NRXN3: variants seen among roughly 807,000 people sequenced by gnomAD.
The protein encoded by NRXN3 is neurexin 3.
Under a neutral mutation model 137.6 loss-of-function variants are expected in NRXN3, and 32 were observed. The ratio of observed to expected loss-of-function variants is 0.23; its 90% CI spans 0.18 to 0.31. The LOEUF (loss-of-function observed/expected upper bound fraction) is 0.31. NRXN3 is among the 10% of genes least tolerant of loss of function. The pLI, the probability that NRXN3 is intolerant of heterozygous loss-of-function variation, is 1.00. For missense variants in NRXN3, 1,574 were observed against 2,062.5 expected, an observed-to-expected ratio of 0.76 and a Z score of 4.59; for synonymous variants, 798 against 784.5, an observed-to-expected ratio of 1.02 and a Z score of -0.29.
intron 15 of NRXN3, among the ~76,000 whole-genome samples, chr14:79,080,932 G>A (rs1003407777): frequency 1.9e-4 from 29 of 151,990 alleles, no homozygotes; most frequent in Non-Finnish European, 1.9e-4. Flanking sequence ...TATATAATCC[G>A]GTGGTTTATC....
chr14:78,526,510 C>T (rs2096382051), intron 4 of NRXN3, among the ~76,000 whole-genome samples: 1 of 152,236 alleles, frequency 6.6e-6, no homozygotes, highest in Non-Finnish European at 1.5e-5. Context: ...TAACTTTGAG[C>T]TTTCCTCTAC....
At chr14:78,586,795 T>C (rs2097067971) in intron 4 of NRXN3, among the ~76,000 whole-genome samples, 1 of 152,330 alleles carries the variant, frequency 6.6e-6, no homozygotes, top group Non-Finnish European at 1.5e-5. Context: ...AAACAGTCTT[T>C]ATGGAAAGCT....
At chr14:79,605,167 T>C (rs2097989596) in intron 16 of NRXN3, among the ~76,000 whole-genome samples, 1 of 152,124 alleles carries the variant, frequency 6.6e-6, no homozygotes, top group Non-Finnish European at 1.5e-5. Context: ...TAATAAGCCA[T>C]GTTAGCAGGA....
At chr14:79,303,217 A>G (rs1043899932) in intron 15 of NRXN3, among the ~76,000 whole-genome samples, 1 of 152,022 alleles carries the variant, frequency 6.6e-6, no homozygotes, top group Non-Finnish European at 1.5e-5. Flanking sequence ...GAATTTTTCA[A>G]TCAGCTCTTG....
At chr14:78,523,223 C>T (rs1398548902) in intron 4 of NRXN3, among the ~76,000 whole-genome samples, 1 of 152,160 alleles carries the variant, frequency 6.6e-6, no homozygotes, top group Non-Finnish European at 1.5e-5. Flanking sequence ...ATTTGTGCCT[C>T]AGGCTCTTTG....
intron 19 of NRXN3, among the ~76,000 whole-genome samples, chr14:79,764,197 T>A (rs2099048659): frequency 1.3e-5 from 2 of 151,824 alleles, no homozygotes; most frequent in South Asian, 4.2e-4. Flanking sequence ...TTCTCAGTCC[T>A]CAAAACTCTG....
chr14:79,483,770 C>T (rs998486184), intron 16 of NRXN3, among the ~76,000 whole-genome samples: 9 of 142,158 alleles, frequency 6.3e-5, no homozygotes, highest in East Asian at 1.9e-4. Context: ...GGAAATGATG[C>T]GTGTGTGTGT....
At chr14:79,854,082 A>G (rs977957840) in intron 20 of NRXN3, 1 of 984,064 alleles carries the variant, frequency 1.0e-6, no homozygotes, top group East Asian at 1.1e-4. Context: ...ATTTTGCTCA[A>G]AAGTTTTTAA....
chr14:79,800,692 G>A (rs902692617), intron 19 of NRXN3, among the ~76,000 whole-genome samples: 2 of 152,226 alleles, frequency 1.3e-5, no homozygotes, highest in South Asian at 2.1e-4. Flanking sequence ...AAAGAAGTGT[G>A]CCTTTTCTTT....
At chr14:79,153,170 A>G (rs566589120) in intron 15 of NRXN3, among the ~76,000 whole-genome samples, 7 of 151,958 alleles carry the variant, frequency 4.6e-5, no homozygotes, top group African/African-American at 7.2e-5. Context: ...TATCTCCCCA[A>G]CATGAGACCT....
chr14:78,516,236 T>C (rs1052194118), intron 4 of NRXN3, among the ~76,000 whole-genome samples: 2 of 151,694 alleles, frequency 1.3e-5, no homozygotes, highest in African/African-American at 4.8e-5. Context: ...TGCCCCTGGG[T>C]ATTCAAAAAG....
intron 3 of NRXN3, among the ~76,000 whole-genome samples, chr14:78,281,307 T>A (rs1488098532): frequency 6.6e-6 from 1 of 152,210 alleles, no homozygotes; most frequent in Non-Finnish European, 1.5e-5. Context: ...CTCTGACTCT[T>A]TTTTCCTTCC....
intron 19 of NRXN3, among the ~76,000 whole-genome samples, chr14:79,772,895 A>C (rs1030574037): frequency 8.5e-4 from 129 of 152,360 alleles, no homozygotes; most frequent in African/African-American, 2.9e-3. Flanking sequence ...AAGGGCTAAT[A>C]TCCAGAATCT....
intron 16 of NRXN3, among the ~76,000 whole-genome samples, chr14:79,482,389 T>A (rs1364425502): frequency 6.6e-6 from 1 of 152,140 alleles, no homozygotes; most frequent in African/African-American, 2.4e-5. Flanking sequence ...AGTCTATCAT[T>A]AACCAAAATG....
chr14:79,069,594 C>A (rs1337746373), intron 15 of NRXN3, among the ~76,000 whole-genome samples: 2 of 150,828 alleles, frequency 1.3e-5, no homozygotes, highest in African/African-American at 4.9e-5. Flanking sequence ...GAAAATACCA[C>A]TTTTCTGATG....
intron 15 of NRXN3, among the ~76,000 whole-genome samples, chr14:79,231,757 C>A (rs1297274475): frequency 6.6e-6 from 1 of 152,072 alleles, no homozygotes; most frequent in Non-Finnish European, 1.5e-5. Flanking sequence ...AGAAACATGC[C>A]TTGATTTGAA....
At chr14:78,678,131 A>G (rs1447176824) in intron 6 of NRXN3, among the ~76,000 whole-genome samples, 1 of 152,100 alleles carries the variant, frequency 6.6e-6, no homozygotes, top group Non-Finnish European at 1.5e-5. Context: ...TTTTTGAGAT[A>G]TATCTGTATG....
At chr14:78,270,029 C>T (rs2072459904) in intron 2 of NRXN3, among the ~76,000 whole-genome samples, 1 of 152,200 alleles carries the variant, frequency 6.6e-6, no homozygotes, top group Non-Finnish European at 1.5e-5. Context: ...ATAATGCTTA[C>T]ATCAGTCCTA....
At chr14:78,717,314 T>C (rs2098438458) in intron 8 of NRXN3, among the ~76,000 whole-genome samples, 1 of 152,210 alleles carries the variant, frequency 6.6e-6, no homozygotes, top group African/African-American at 2.4e-5. Context: ...TTGTCACTTC[T>C]GACTAGTCAT....
Sources: gnomAD v4.1 joint callset for allele counts (sites outside exome capture counted in the v4.1 genomes callset) on GRCh38, gnomAD v4.1.1 for gene constraint, MANE v1.5 for transcripts, NCBI Gene and HGNC (gene_info 2026-07-23, HGNC 2026-07-21) for gene names.